The following FBXL7 variants were observed in gnomAD, a reference collection of about 807,000 sequenced individuals.
FBXL7 encodes F-box/LRR-repeat protein 7.
FBXL7 carries 12 observed loss-of-function variants against 38.3 expected under a neutral mutation model. That is an observed-to-expected ratio of 0.31 (90% CI 0.20 to 0.51). The LOEUF is 0.51. Ranked by LOEUF, FBXL7 falls within the 20% of genes least tolerant of loss-of-function variation. The probability of loss-of-function intolerance (pLI) is 0.98; values close to 1 mark genes in which losing one functional copy is unlikely to be tolerated. For synonymous variants in FBXL7, 297 were observed against 300.9 expected (o/e 0.99, Z 0.13); for missense variants, 567 against 676.4 (o/e 0.84, Z 1.79).
intron 1 of FBXL7, among the ~76,000 whole-genome samples, chr5:15,611,662 A>C (rs1037841679): frequency 6.6e-6 from 1 of 152,154 alleles, no homozygotes; most frequent in Non-Finnish European, 1.5e-5. Context: ...GTTACTTTAT[A>C]GAACCTAAAT....
At chr5:15,810,440 A>T (rs963162592) in intron 2 of FBXL7, among the ~76,000 whole-genome samples, 4 of 152,056 alleles carry the variant, frequency 2.6e-5, no homozygotes, top group Non-Finnish European at 4.4e-5. Flanking sequence ...GCATACCTGT[A>T]ACCCCAGGTA....
intron 1 of FBXL7, among the ~76,000 whole-genome samples, chr5:15,518,172 G>A (rs2126368990): frequency 6.6e-6 from 1 of 152,114 alleles, no homozygotes; most frequent in East Asian, 1.9e-4. Context: ...TGTATTTTTA[G>A]TAGAGACAGG....
intron 1 of FBXL7, among the ~76,000 whole-genome samples, chr5:15,598,652 C>G (rs1739699708): frequency 6.6e-6 from 1 of 152,126 alleles, no homozygotes; most frequent in South Asian, 2.1e-4. Flanking sequence ...TGTTGACTCT[C>G]CTTTGTAATA....
intron 2 of FBXL7, among the ~76,000 whole-genome samples, chr5:15,818,152 C>A (rs184192863): frequency 6.6e-6 from 1 of 151,612 alleles, no homozygotes; most frequent in African/African-American, 2.4e-5. Flanking sequence ...GTGGTGTGTG[C>A]GTGTTATTTG....
intron 2 of FBXL7, among the ~76,000 whole-genome samples, chr5:15,679,562 T>G (rs80296244): frequency 6.6e-5 from 1 of 15,182 alleles, no homozygotes; most frequent in African/African-American, 1.3e-4. Flanking sequence ...TTCATTGTTT[T>G]TTTTTTTTTT....
At chr5:15,542,566 A>T (rs1236806906) in intron 1 of FBXL7, among the ~76,000 whole-genome samples, 1 of 152,190 alleles carries the variant, frequency 6.6e-6, no homozygotes, top group Non-Finnish European at 1.5e-5. Flanking sequence ...TGTACATTAC[A>T]AGTATAACTG....
intron 2 of FBXL7, among the ~76,000 whole-genome samples, chr5:15,787,151 CG>C (rs1422880836): frequency 6.6e-6 from 1 of 152,136 alleles, no homozygotes; most frequent in Non-Finnish European, 1.5e-5. Context: ...TTCCGGCCCC[CG>C]GAAACTGTGA....
chr5:15,733,213 C>T (rs903469543), intron 2 of FBXL7, among the ~76,000 whole-genome samples: 4 of 152,142 alleles, frequency 2.6e-5, no homozygotes, highest in African/African-American at 9.7e-5. Context: ...CTGCCTCACC[C>T]TCCCGAGTAG....
intron 2 of FBXL7, among the ~76,000 whole-genome samples, chr5:15,848,977 T>C (rs1231388114): frequency 2.6e-5 from 4 of 152,226 alleles, no homozygotes. Context: ...AAATCCAAGA[T>C]GGCAGCTGCT....
chr5:15,790,503 C>T (rs1035086842), intron 2 of FBXL7, among the ~76,000 whole-genome samples: 1 of 152,156 alleles, frequency 6.6e-6, no homozygotes, highest in Admixed American at 6.5e-5. Flanking sequence ...TTCTGACCAC[C>T]ATTTATTATT....
intron 2 of FBXL7, among the ~76,000 whole-genome samples, chr5:15,852,984 C>T (rs1386291863): frequency 6.6e-6 from 1 of 152,208 alleles, no homozygotes; most frequent in Non-Finnish European, 1.5e-5. Context: ...TCATGGAGGG[C>T]TGACTATTGT....
At chr5:15,771,329 ACAGTGGAAGAACG>A (rs1736723617) in intron 2 of FBXL7, among the ~76,000 whole-genome samples, 1 of 152,218 alleles carries the variant, frequency 6.6e-6, no homozygotes, top group Admixed American at 6.5e-5. Context: ...ATGGCTCAAA[ACAGTGGAAGAACG>A]CAGTTCTGAA....
chr5:15,777,720 T>TAAAAAAAAAAAAAAAAAAAAAAAAAA (rs371293320), intron 2 of FBXL7, among the ~76,000 whole-genome samples: 3 of 82,506 alleles, frequency 3.6e-5, no homozygotes, highest in African/African-American at 1.7e-4. Flanking sequence ...CCTATTCTGG[T>TAAAAAAAAAAAAAAAAAAAAAAAAAA]AAAAAAAAAA....
chr5:15,924,193 A>G (rs1042584169), intron 2 of FBXL7, among the ~76,000 whole-genome samples: 7 of 152,214 alleles, frequency 4.6e-5, no homozygotes, highest in African/African-American at 1.7e-4. Context: ...TTCATTCTAG[A>G]TGATTACCAA....
At chr5:15,811,827 T>C (rs929508135) in intron 2 of FBXL7, among the ~76,000 whole-genome samples, 1 of 152,078 alleles carries the variant, frequency 6.6e-6, no homozygotes. Context: ...TATTAAAAAG[T>C]CAGGAAACAA....
intron 1 of FBXL7, among the ~76,000 whole-genome samples, chr5:15,610,604 C>G (rs1458947746): frequency 2.6e-5 from 4 of 152,180 alleles, no homozygotes; most frequent in Non-Finnish European, 5.9e-5. Context: ...CTGCCTCCCT[C>G]TCCACTTGAA....
intron 1 of FBXL7, among the ~76,000 whole-genome samples, chr5:15,504,718 T>C (rs1267809457): frequency 6.6e-6 from 1 of 152,172 alleles, no homozygotes; most frequent in Non-Finnish European, 1.5e-5. Context: ...TGTAAGTCCA[T>C]GTGTAGAAAT....
chr5:15,537,985 C>A (rs1737634482), intron 1 of FBXL7, among the ~76,000 whole-genome samples: 1 of 152,110 alleles, frequency 6.6e-6, no homozygotes, highest in Non-Finnish European at 1.5e-5. Context: ...GATGAGTACC[C>A]CAGATAATCC....
At chr5:15,563,523 T>C (rs1738476854) in intron 1 of FBXL7, among the ~76,000 whole-genome samples, 1 of 152,050 alleles carries the variant, frequency 6.6e-6, no homozygotes, top group South Asian at 2.1e-4. Flanking sequence ...TCTAGCTGTT[T>C]ATTGCAAGTA....
Sources: allele counts gnomAD v4.1 joint callset (sites outside exome capture counted in the v4.1 genomes callset), GRCh38; gene constraint gnomAD v4.1.1; transcripts MANE v1.5; gene names NCBI Gene and HGNC (gene_info 2026-07-23, HGNC 2026-07-21).